CCDC50: variants seen among roughly 807,000 people sequenced by gnomAD.
The protein encoded by CCDC50 is coiled-coil domain containing 50, also known as coiled-coil domain-containing protein 50.
In CCDC50, 54 loss-of-function variants were observed where a neutral mutation model predicts 70.2. That is an observed-to-expected ratio of 0.77 (90% CI 0.62 to 0.96). The LOEUF is 0.96. CCDC50 is among the 50% of genes least tolerant of loss of function. The pLI, the probability that CCDC50 is intolerant of heterozygous loss-of-function variation, is 0.00. For synonymous variants in CCDC50, 216 were observed against 198.8 expected (o/e 1.09, Z -0.73); for missense variants, 558 against 578.7 (o/e 0.96, Z 0.37).
intron 1 of CCDC50, among the ~76,000 whole-genome samples, chr3:191,353,789 G>A (rs565639978): frequency 9.6e-6 from 1 of 104,142 alleles, no homozygotes; most frequent in Non-Finnish European, 2.4e-5. Flanking sequence ...CCTCCGAAGG[G>A]CAAAGTCAGT....
chr3:191,370,750 A>G (rs920200611), intron 5 of CCDC50, among the ~76,000 whole-genome samples: 6 of 151,920 alleles, frequency 3.9e-5, no homozygotes, highest in South Asian at 2.1e-4. Context: ...CAGCCTCCCA[A>G]AGTGCTGGGA....
intron 6 of CCDC50, among the ~76,000 whole-genome samples, chr3:191,376,015 A>G (rs541078968): frequency 2.0e-5 from 3 of 150,588 alleles, no homozygotes; most frequent in African/African-American, 7.3e-5. Flanking sequence ...AGAGCCGGAA[A>G]TACTGTATTT....
At chr3:191,343,361 TTG>T (rs573472389) in intron 1 of CCDC50, among the ~76,000 whole-genome samples, 6 of 152,366 alleles carry the variant, frequency 3.9e-5, no homozygotes, top group African/African-American at 1.4e-4. Context: ...TGCTGCTTCC[TTG>T]TGCAATAAAT....
intron 1 of CCDC50, among the ~76,000 whole-genome samples, chr3:191,352,842 T>G (rs1419863467): frequency 2.1e-5 from 3 of 142,708 alleles, no homozygotes; most frequent in African/African-American, 7.5e-5. Context: ...TATTACTAAA[T>G]TTGTTTAAAT....
intron 4 of CCDC50, among the ~76,000 whole-genome samples, chr3:191,368,094 A>G (rs1376462911): frequency 6.6e-6 from 1 of 152,006 alleles, no homozygotes; most frequent in Non-Finnish European, 1.5e-5. Context: ...TATTGTACAG[A>G]TAAAGAATTG....
Position 191,375,068 on chromosome 3 carries a change from C to T in CCDC50, c.455C>T (p.Pro152Leu). Residue 152 changes from proline (P) to leucine (L), a missense_variant, in exon 6 of 12, where the codon CCA (proline) becomes CTA (leucine). Physicochemically the swap from Pro to Leu is moderately conservative, Grantham distance 98. Coordinates refer to ENST00000392455, the MANE Select transcript of CCDC50 (RefSeq NM_178335.3). Reference sequence around the variant, plus strand: ...TCCCTCTGCCTCCACTCAGACCAACCAGGGTCAAGGAGGGCCAGGGAATTG... The same window carrying T: ...TCCCTCTGCCTCCACTCAGACCAACTAGGGTCAAGGAGGGCCAGGGAATTG... ...DSYYYEDGDQ[P>L]GSRRARELGS... 6.2e-7 allele frequency: 1 copy of T among 1,613,314 alleles called. No individual in the cohort carries two copies. The highest frequency in any genetic ancestry group is 8.5e-7 in the Non-Finnish European group (1 of 1,179,614).
At chr3:191,370,353 A>T (rs1047548150) in intron 5 of CCDC50, 1 of 312,528 alleles carries the variant, frequency 3.2e-6, no homozygotes, top group Non-Finnish European at 6.2e-6. Context: ...GCCTAATGCT[A>T]TCCCTCCCCC....
chr3:191,336,239 G>C (rs1031923204), intron 1 of CCDC50, among the ~76,000 whole-genome samples: 4 of 151,456 alleles, frequency 2.6e-5, no homozygotes, highest in Admixed American at 6.6e-5. Flanking sequence ...TTGTCAAACT[G>C]TTTTTCAAAA....
chr3:191,391,026 C>T (rs553883076), intron 11 of CCDC50, among the ~76,000 whole-genome samples: 18 of 152,268 alleles, frequency 1.2e-4, no homozygotes, highest in South Asian at 1.0e-3. Flanking sequence ...AAAATGGAGG[C>T]AGTCTAAATA....
intron 1 of CCDC50, among the ~76,000 whole-genome samples, chr3:191,333,505 C>A (rs187995729): frequency 1.3e-5 from 2 of 152,272 alleles, no homozygotes; most frequent in East Asian, 3.9e-4. Context: ...ACGGCAAACC[C>A]ACTTTCCCTG....
chr3:191,329,698 G>A lies in CCDC50; in HGVS notation c.24G>A (p.Gln8=), dbSNP rs916109238. Reference sequence around the variant, plus strand: ...GTATGGCTGAAGTCAGCATCGACCAGTCCAAGCTGCCTGGAGTCAAGGAAG... The same window carrying A: ...GTATGGCTGAAGTCAGCATCGACCAATCCAAGCTGCCTGGAGTCAAGGAAG... MAEVSID[Q]SKLPGVKEVC... The change falls in exon 1 of 12, where the codon CAG becomes CAA. Residue 8 remains glutamine (Q), a synonymous_variant. Coordinates refer to ENST00000392455, the MANE Select transcript of CCDC50 (RefSeq NM_178335.3). 4 of 1,610,804 alleles carry A rather than the reference G, an allele frequency of 2.5e-6. No homozygotes were observed. In the African/African-American group the frequency reaches 5.3e-5, roughly 22 times the overall value.
chr3:191,359,769 A>G (rs565341323), intron 3 of CCDC50, among the ~76,000 whole-genome samples: 1 of 152,198 alleles, frequency 6.6e-6, no homozygotes, highest in Non-Finnish European at 1.5e-5. Context: ...AGAATGTTCT[A>G]GAGTTCTAAA....
intron 1 of CCDC50, among the ~76,000 whole-genome samples, chr3:191,339,320 A>G (rs1711629727): frequency 6.6e-6 from 1 of 152,204 alleles, no homozygotes; most frequent in Non-Finnish European, 1.5e-5. Context: ...ATGCAGTGCT[A>G]CGAAAAACAA....
intron 4 of CCDC50, among the ~76,000 whole-genome samples, chr3:191,364,857 C>T (rs1037046400): frequency 6.6e-6 from 1 of 152,038 alleles, no homozygotes; most frequent in Non-Finnish European, 1.5e-5. Context: ...TTCTTGCTCT[C>T]TCACTCTGTC....
At chr3:191,382,875 T>A in intron 10 of CCDC50, 50 bp downstream of exon 10, 1 of 1,353,364 alleles carries the variant, frequency 7.4e-7, no homozygotes, top group Non-Finnish European at 1.1e-6. Flanking sequence ...TTGGGGTGAA[T>A]AAGGAGATTT....
At chr3:191,364,088 T>C (rs2108653834) in intron 4 of CCDC50, among the ~76,000 whole-genome samples, 1 of 151,956 alleles carries the variant, frequency 6.6e-6, no homozygotes, top group South Asian at 2.1e-4. Flanking sequence ...TTTTTTTTTT[T>C]AGACAGAGTC....
intron 4 of CCDC50, among the ~76,000 whole-genome samples, chr3:191,362,294 A>T (rs888004606): frequency 6.9e-6 from 1 of 145,544 alleles, no homozygotes; most frequent in Non-Finnish European, 1.5e-5. Context: ...ATATTTAAAC[A>T]TTTTTTTTTT....
In CCDC50 at chr3:191,393,833, G is replaced by A. The variant is rs576559596; in HGVS notation, c.*2073G>A. The A allele has an allele frequency of 1.3e-5, 2 of 151,880 alleles. No homozygotes were observed. Among genetic ancestry groups the A allele is most frequent in the Admixed American group, 6.6e-5 (1 of 15,254 alleles). 9.4% of individuals were successfully genotyped at this position (151,880 alleles called of 1,614,324 possible). On this transcript the variant is annotated 3_prime_UTR_variant, in exon 12 of 12. Coordinates refer to ENST00000392455, the MANE Select transcript of CCDC50 (RefSeq NM_178335.3). ...TTTTCTTTATCTGCCCTGTGATTTC[G>A]CTTCGTGTCCTTCAAAGTTTTTTTA... is the stretch of plus-strand genomic sequence containing the variant.
At position 191,380,893 on chromosome 3, in the gene CCDC50, A is replaced by G. The variant is rs146511344; in HGVS notation, c.1203A>G (p.Lys401=). ...ACAAAAAAGCCAAGGAGCGGGAGAA[A>G]TCATCTTTGGACAAAAGAAAGCAAG... is the stretch of plus-strand genomic sequence containing the variant. ...KAYKKAKERE[K]SSLDKRKQDP... The change falls in exon 9 of 12, where the codon AAA becomes AAG. Residue 401 remains lysine (K), a synonymous_variant. Coordinates refer to ENST00000392455, the MANE Select transcript of CCDC50 (RefSeq NM_178335.3). The G allele has an allele frequency of 2.2e-3, 3,525 of 1,612,942 alleles. 7 individuals are homozygous for G. Among genetic ancestry groups the G allele is most frequent in the Non-Finnish European group, 2.7e-3 (3,138 of 1,179,224 alleles).
Sources: gnomAD v4.1 joint callset for allele counts (sites outside exome capture counted in the v4.1 genomes callset) on GRCh38, gnomAD v4.1.1 for gene constraint, MANE v1.5 for transcripts, NCBI Gene and HGNC (gene_info 2026-07-23, HGNC 2026-07-21) for gene names.